Variants in MAML3 observed in about 807,000 individuals in gnomAD.
MAML3 encodes mastermind-like protein 3.
A neutral mutation model predicts 101.9 loss-of-function variants in MAML3; 27 were observed. The ratio of observed to expected loss-of-function variants is 0.27; its 90% CI spans 0.20 to 0.37. The LOEUF (loss-of-function observed/expected upper bound fraction) is 0.37. Among genes scored for constraint, MAML3 ranks in the 10% least tolerant of loss-of-function variants. MAML3 has a pLI of 1.00. For synonymous variants in MAML3, 501 were observed against 555.9 expected (o/e 0.90, Z 1.39); for missense variants, 1,316 against 1,444.9 (o/e 0.91, Z 1.45).
chr4:140,129,500 A>C (rs762301043), intron 1 of MAML3, among the ~76,000 whole-genome samples: 2 of 152,238 alleles, frequency 1.3e-5, no homozygotes, highest in African/African-American at 4.8e-5. Context: ...GCAGAAGAGC[A>C]GGTAGATTTT....
chr4:139,884,128 C>T (rs535795037), intron 2 of MAML3, among the ~76,000 whole-genome samples: 4 of 152,180 alleles, frequency 2.6e-5, no homozygotes, highest in African/African-American at 9.6e-5. Flanking sequence ...AGGTGATCCA[C>T]CCGACTCGGC....
At chr4:139,775,641 C>T (rs939919663) in intron 2 of MAML3, among the ~76,000 whole-genome samples, 8 of 151,982 alleles carry the variant, frequency 5.3e-5, no homozygotes, top group Admixed American at 2.6e-4. Flanking sequence ...AGGAGTGGTT[C>T]GGGGGGCAGA....
chr4:139,780,623 C>CTTTTTTTTTTTTT (rs35929438), intron 2 of MAML3, among the ~76,000 whole-genome samples: 3 of 136,940 alleles, frequency 2.2e-5, no homozygotes, highest in Non-Finnish European at 3.2e-5. Flanking sequence ...TCTTTCTTTT[C>CTTTTTTTTTTTTT]TTTTTTTTTT....
intron 1 of MAML3, among the ~76,000 whole-genome samples, chr4:140,046,721 A>G (rs1431582520): frequency 6.6e-6 from 1 of 152,124 alleles, no homozygotes; most frequent in African/African-American, 2.4e-5. Flanking sequence ...CACTTAAGAT[A>G]AAGTAGGGAG....
intron 1 of MAML3, among the ~76,000 whole-genome samples, chr4:139,977,702 G>A (rs533377054): frequency 3.3e-5 from 5 of 151,930 alleles, no homozygotes; most frequent in East Asian, 1.9e-4. Context: ...GTGAAACCCC[G>A]TCTCTACTAA....
chr4:140,110,154 T>C (rs992864555), intron 1 of MAML3, among the ~76,000 whole-genome samples: 1 of 152,222 alleles, frequency 6.6e-6, no homozygotes, highest in Non-Finnish European at 1.5e-5. Context: ...AGTTCAGCGA[T>C]GATCATCTCA....
intron 1 of MAML3, among the ~76,000 whole-genome samples, chr4:140,026,562 T>C (rs1726828142): frequency 6.6e-6 from 1 of 152,186 alleles, no homozygotes; most frequent in African/African-American, 2.4e-5. Flanking sequence ...TCAAAACATA[T>C]ATTAAAATGC....
At chr4:140,063,807 T>G (rs1216688905) in intron 1 of MAML3, among the ~76,000 whole-genome samples, 2 of 149,576 alleles carry the variant, frequency 1.3e-5, no homozygotes. Flanking sequence ...AAAAAAAAAG[T>G]AAAAGGAAAG....
At chr4:139,922,173 AC>A (rs914877088) in intron 1 of MAML3, among the ~76,000 whole-genome samples, 2 of 151,010 alleles carry the variant, frequency 1.3e-5, no homozygotes, top group Admixed American at 6.6e-5. Context: ...TTGGAAAGAC[AC>A]CCGCCTGTCC....
intron 1 of MAML3, among the ~76,000 whole-genome samples, chr4:140,142,269 A>G (rs560426125): frequency 2.0e-5 from 3 of 152,356 alleles, no homozygotes; most frequent in Admixed American, 2.0e-4. Flanking sequence ...GTAAGTGAAC[A>G]GAAGAGGGTC....
chr4:139,775,712 G>A (rs1730082237), intron 2 of MAML3, among the ~76,000 whole-genome samples: 1 of 152,122 alleles, frequency 6.6e-6, no homozygotes, highest in African/African-American at 2.4e-5. Context: ...TTTCATTGTT[G>A]TTGTTTCTAT....
chr4:139,727,730 TG>T (rs1455640854), intron 3 of MAML3, among the ~76,000 whole-genome samples: 1 of 152,234 alleles, frequency 6.6e-6, no homozygotes, highest in Non-Finnish European at 1.5e-5. Context: ...TGCACTGCTC[TG>T]ATTGCCAAGT....
intron 1 of MAML3, among the ~76,000 whole-genome samples, chr4:140,030,472 G>C (rs1435220938): frequency 6.6e-6 from 1 of 152,142 alleles, no homozygotes; most frequent in East Asian, 1.9e-4. Flanking sequence ...AGGAAAATAA[G>C]GGCCAGGCTC....
intron 2 of MAML3, among the ~76,000 whole-genome samples, chr4:139,763,192 C>G (rs4863511): frequency 0.87 from 131,737 of 152,250 alleles, 57,642 homozygotes; most frequent in East Asian, 1. Context: ...CTTAACTCTA[C>G]AGAGGAGATT....
At chr4:139,996,649 C>G (rs1452543875) in intron 1 of MAML3, among the ~76,000 whole-genome samples, 6 of 150,622 alleles carry the variant, frequency 4.0e-5, no homozygotes, top group African/African-American at 1.5e-4. Flanking sequence ...TGTTTTGAGT[C>G]AAAAGTAACG....
chr4:140,075,653 C>T (rs1727752476), intron 1 of MAML3, among the ~76,000 whole-genome samples: 1 of 152,158 alleles, frequency 6.6e-6, no homozygotes, highest in South Asian at 2.1e-4. Context: ...CCTCCCACCT[C>T]AGCCTCCTAA....
intron 2 of MAML3, among the ~76,000 whole-genome samples, chr4:139,837,924 A>C (rs1731286882): frequency 6.6e-6 from 1 of 151,670 alleles, no homozygotes; most frequent in Non-Finnish European, 1.5e-5. Context: ...GGTCTCAAAA[A>C]AAGAAAAGAA....
chr4:139,998,719 C>T (rs1317468045), intron 1 of MAML3, among the ~76,000 whole-genome samples: 1 of 152,080 alleles, frequency 6.6e-6, no homozygotes, highest in African/African-American at 2.4e-5. Flanking sequence ...GTATTTTTCC[C>T]CTGAAAGTTG....
chr4:140,001,590 G>A (rs932797361), intron 1 of MAML3, among the ~76,000 whole-genome samples: 26 of 152,124 alleles, frequency 1.7e-4, no homozygotes, highest in Non-Finnish European at 2.6e-4. Context: ...GAAATAATCT[G>A]CTTGTCTGCA....
Sources: gnomAD v4.1 joint callset for allele counts (sites outside exome capture counted in the v4.1 genomes callset) on GRCh38, gnomAD v4.1.1 for gene constraint, MANE v1.5 for transcripts, NCBI Gene and HGNC (gene_info 2026-07-23, HGNC 2026-07-21) for gene names.